Variants in GUCY1A2 observed in about 807,000 individuals in gnomAD.
GUCY1A2 encodes guanylate cyclase 1 soluble subunit alpha 2.
In GUCY1A2, 27 loss-of-function variants were observed where a neutral mutation model predicts 63.5. That is an observed-to-expected ratio of 0.43 (90% CI 0.31 to 0.59). GUCY1A2 has a LOEUF of 0.59. Among genes scored for constraint, GUCY1A2 ranks in the 20% least tolerant of loss-of-function variants. The probability of loss-of-function intolerance (pLI) is 0.11; values close to 1 mark genes in which losing one functional copy is unlikely to be tolerated. For missense variants in GUCY1A2, 768 were observed against 913.3 expected (o/e 0.84, Z 2.05); for synonymous variants, 364 against 343.5 (o/e 1.06, Z -0.66).
chr11:106,718,360 G>T (rs530172660), intron 6 of GUCY1A2, among the ~76,000 whole-genome samples: 2 of 152,134 alleles, frequency 1.3e-5, no homozygotes, highest in African/African-American at 4.8e-5. Context: ...TTTCTGATGA[G>T]GAAGGATAAA....
At chr11:106,893,502 T>C (rs532317671) in intron 4 of GUCY1A2, among the ~76,000 whole-genome samples, 30 of 152,282 alleles carry the variant, frequency 2.0e-4, no homozygotes, top group Admixed American at 1.4e-3. Context: ...TATAAAATTA[T>C]AGGGTACAAC....
chr11:106,944,937 T>G (rs1860805936), intron 3 of GUCY1A2, among the ~76,000 whole-genome samples: 1 of 152,080 alleles, frequency 6.6e-6, no homozygotes, highest in African/African-American at 2.4e-5. Context: ...TCCATAAACA[T>G]ATTTAGAGGA....
At chr11:106,794,037 T>C (rs187319355) in intron 5 of GUCY1A2, among the ~76,000 whole-genome samples, 115 of 152,254 alleles carry the variant, frequency 7.6e-4, no homozygotes, top group Non-Finnish European at 1.5e-4. Context: ...TGAAGAGATA[T>C]CTGCACTTCC....
At chr11:106,752,821 C>T (rs1174507915) in intron 6 of GUCY1A2, among the ~76,000 whole-genome samples, 15 of 152,134 alleles carry the variant, frequency 9.9e-5, no homozygotes, top group Admixed American at 9.8e-4. Context: ...AATAAACATA[C>T]GTGTGCATAT....
chr11:106,872,839 G>A (rs1253354020), intron 4 of GUCY1A2, among the ~76,000 whole-genome samples: 1 of 151,996 alleles, frequency 6.6e-6, no homozygotes. Flanking sequence ...TGTGCAGAAC[G>A]TGCAGATTTG....
chr11:106,877,179 G>A (rs1859761691), intron 4 of GUCY1A2, among the ~76,000 whole-genome samples: 7 of 151,996 alleles, frequency 4.6e-5, no homozygotes. Context: ...TTTGTATCCT[G>A]AGACTTTGTG....
intron 6 of GUCY1A2, among the ~76,000 whole-genome samples, chr11:106,717,136 C>T (rs939162525): frequency 6.6e-6 from 1 of 152,110 alleles, no homozygotes; most frequent in Non-Finnish European, 1.5e-5. Flanking sequence ...ATTGTTTATG[C>T]CAGCTTATTT....
At chr11:106,796,292 T>C (rs984773653) in intron 5 of GUCY1A2, among the ~76,000 whole-genome samples, 2 of 152,176 alleles carry the variant, frequency 1.3e-5, no homozygotes, top group African/African-American at 2.4e-5. Context: ...TATTGGAGCA[T>C]TTAGCCCATT....
At chr11:106,851,540 A>G (rs1859355214) in intron 4 of GUCY1A2, among the ~76,000 whole-genome samples, 1 of 151,884 alleles carries the variant, frequency 6.6e-6, no homozygotes, top group South Asian at 2.1e-4. Context: ...GGTGAGAGAG[A>G]GGAGTCTACT....
At chr11:106,980,294 CT>C (rs1187125803) in intron 2 of GUCY1A2, among the ~76,000 whole-genome samples, 6 of 152,208 alleles carry the variant, frequency 3.9e-5, no homozygotes, top group Admixed American at 3.9e-4. Context: ...AGGGCTCCCA[CT>C]AGCAAGACCA....
intron 4 of GUCY1A2, among the ~76,000 whole-genome samples, chr11:106,869,136 A>T (rs1859637594): frequency 6.6e-6 from 1 of 152,176 alleles, no homozygotes; most frequent in Non-Finnish European, 1.5e-5. Context: ...TAAATGTTAG[A>T]CCTAAAACCA....
At chr11:106,904,243 A>G (rs769320785) in intron 4 of GUCY1A2, among the ~76,000 whole-genome samples, 2 of 152,144 alleles carry the variant, frequency 1.3e-5, no homozygotes, top group Non-Finnish European at 2.9e-5. Flanking sequence ...CAAAATATAT[A>G]TAGGACTTGG....
chr11:106,955,210 G>A (rs1860966964), intron 3 of GUCY1A2, among the ~76,000 whole-genome samples: 1 of 152,102 alleles, frequency 6.6e-6, no homozygotes, highest in Admixed American at 6.5e-5. Context: ...AACCTCAGGT[G>A]ATCCACCCAT....
intron 6 of GUCY1A2, among the ~76,000 whole-genome samples, chr11:106,731,454 C>A (rs1437898796): frequency 6.6e-6 from 1 of 152,074 alleles, no homozygotes; most frequent in Non-Finnish European, 1.5e-5. Flanking sequence ...AAGCTGGAAA[C>A]ATTTCCCTTG....
intron 3 of GUCY1A2, among the ~76,000 whole-genome samples, chr11:106,965,484 AAAC>A (rs779012815): frequency 2.0e-5 from 3 of 152,334 alleles, no homozygotes; most frequent in Middle Eastern, 3.4e-3. Context: ...GAGAAAAAGA[AAAC>A]AACAGCAAGA....
intron 5 of GUCY1A2, among the ~76,000 whole-genome samples, chr11:106,779,175 T>A (rs776113445): frequency 1.3e-5 from 2 of 152,172 alleles, no homozygotes; most frequent in African/African-American, 4.8e-5. Context: ...CCCAGATCTA[T>A]CATTATATTC....
rs1285827221 is a variant in GUCY1A2 at position 106,971,339 on chromosome 11, G to A, written c.487+7280C>T. Among the ~76,000 whole-genome samples the A allele has an allele frequency of 2.6e-5, 4 of 151,988 alleles. No individual in the cohort carries two copies. In the South Asian group the frequency reaches 6.2e-4, roughly 24 times the overall value. ...AAAAAATCTTACTGGAAGTGGTGGGGTAGAAAGGTGCTTACCTAAGTAACC... is the reference window on the plus strand; with the variant it reads ...AAAAAATCTTACTGGAAGTGGTGGGATAGAAAGGTGCTTACCTAAGTAACC... On this transcript the variant is annotated intron_variant, in intron 3 of 7. Coordinates refer to ENST00000526355, the MANE Select transcript of GUCY1A2 (RefSeq NM_000855.3).
intron 6 of GUCY1A2, among the ~76,000 whole-genome samples, chr11:106,709,589 A>ATATATGTTATATACGTG (rs1392966657): frequency 6.0e-5 from 5 of 82,756 alleles, no homozygotes; most frequent in African/African-American, 2.2e-4. Flanking sequence ...ATATATAGTT[A>ATATATGTTATATACGTG]TATATAATAT....
At chr11:106,708,746 T>A in intron 6 of GUCY1A2, 80 bp from the exon 7 acceptor site, 1 of 785,566 alleles carries the variant, frequency 1.3e-6, no homozygotes, top group East Asian at 3.1e-5. Flanking sequence ...GCACTGCTAA[T>A]TAATAATAAT....
Sources: gnomAD v4.1 joint callset for allele counts (sites outside exome capture counted in the v4.1 genomes callset) on GRCh38, gnomAD v4.1.1 for gene constraint, MANE v1.5 for transcripts, NCBI Gene and HGNC (gene_info 2026-07-23, HGNC 2026-07-21) for gene names.